The following FABP3 variants were observed in gnomAD, a reference collection of about 807,000 sequenced individuals.
FABP3 encodes the protein fatty acid binding protein 3, also known as fatty acid-binding protein, heart.
Under a neutral mutation model 13.4 loss-of-function variants are expected in FABP3, and 8 were observed. The ratio of observed to expected loss-of-function variants is 0.60; its 90% CI spans 0.35 to 1.07. FABP3 has a LOEUF of 1.07. Ranked by LOEUF, FABP3 falls within the 50% of genes least tolerant of loss-of-function variation. The probability of loss-of-function intolerance (pLI) is 0.02; values close to 1 mark genes in which losing one functional copy is unlikely to be tolerated. For synonymous variants in FABP3, 64 were observed against 60.0 expected (o/e 1.07, Z -0.31); for missense variants, 135 against 164.7 (o/e 0.82, Z 0.99).
intron 2 of FABP3, 51 bp downstream of exon 2, chr1:31,369,334 C>G: frequency 1.3e-6 from 2 of 1,588,380 alleles, no homozygotes; most frequent in Non-Finnish European, 1.7e-6. Flanking sequence ...AGCCTATTCT[C>G]TTTTAGAGTC....
intron 1 of FABP3, among the ~76,000 whole-genome samples, chr1:31,371,039 G>C (rs995724877): frequency 1.3e-5 from 2 of 152,188 alleles, no homozygotes; most frequent in South Asian, 4.1e-4. Context: ...TTTGAACCTC[G>C]GCTCCAAAAC....
chr1:31,368,311 C>T (rs2148494783), intron 2 of FABP3, among the ~76,000 whole-genome samples: 1 of 152,280 alleles, frequency 6.6e-6, no homozygotes. Context: ...CTTTTTTATC[C>T]TTACCTTACT....
At chr1:31,361,786 ATTAT>A (rs3049344), downstream of FABP3, among the ~76,000 whole-genome samples, 24,126 of 145,782 alleles carry the variant, frequency 0.17, 2,087 homozygotes, top group South Asian at 0.24. Flanking sequence ...AGAGGGGGAG[ATTAT>A]TTATTTATTT....
chr1:31,366,356 A>G (rs1229874022), intron 3 of FABP3, among the ~76,000 whole-genome samples: 1 of 152,048 alleles, frequency 6.6e-6, no homozygotes, highest in Non-Finnish European at 1.5e-5. Context: ...ACTAACTCCA[A>G]TCCTTCCCTA....
At chr1:31,371,537 T>C (rs181117561) in intron 1 of FABP3, among the ~76,000 whole-genome samples, 5 of 152,314 alleles carry the variant, frequency 3.3e-5, no homozygotes, top group Admixed American at 3.3e-4. Flanking sequence ...ACGATGAGAA[T>C]GCTGGCTGCC....
chr1:31,363,959 G>A (rs150721087), downstream of FABP3: 2,372 of 1,560,138 alleles, frequency 1.5e-3, 10 homozygotes, highest in Non-Finnish European at 1.0e-3. Flanking sequence ...CACTGCACCT[G>A]GCCAATTATG....
intron 3 of FABP3, 46 bp downstream of exon 3, chr1:31,367,347 A>G (rs530795506): frequency 6.9e-7 from 1 of 1,458,630 alleles, no homozygotes; most frequent in African/African-American, 1.4e-5. Context: ...CTGAAAGAGC[A>G]GTAGTAATAA....
chr1:31,372,204 C>G (rs1640220169), intron 1 of FABP3, among the ~76,000 whole-genome samples: 1 of 152,154 alleles, frequency 6.6e-6, no homozygotes. Context: ...CATCAGAAGT[C>G]CAATGGCTTT....
chr1:31,364,218 T>C (rs1478866026), downstream of FABP3: 4 of 1,597,100 alleles, frequency 2.5e-6, no homozygotes, highest in Admixed American at 1.8e-5. Flanking sequence ...TAGGGGGTGG[T>C]TGAGAGTAAG....
chr1:31,360,904 T>C (rs370989300), downstream of FABP3, among the ~76,000 whole-genome samples: 4 of 152,216 alleles, frequency 2.6e-5, no homozygotes, highest in African/African-American at 9.6e-5. Flanking sequence ...TGCAAAAAGC[T>C]TGATAAACTA....
At chr1:31,372,395 C>G (rs974044357) in intron 1 of FABP3, among the ~76,000 whole-genome samples, 5 of 152,156 alleles carry the variant, frequency 3.3e-5, no homozygotes, top group African/African-American at 1.2e-4. Context: ...CAAGAATTCT[C>G]TTCCCTAACC....
At chr1:31,372,820 A>G in intron 1 of FABP3, 122 bp downstream of exon 1, 4 of 950,424 alleles carry the variant, frequency 4.2e-6, no homozygotes, top group African/African-American at 1.6e-5. Context: ...CCAGGCTGCC[A>G]TCTCCGCGCT....
chr1:31,364,143 G>A, downstream of FABP3: 1 of 1,613,900 alleles, frequency 6.2e-7, no homozygotes, highest in South Asian at 1.1e-5. Context: ...CAGCAAGGCA[G>A]CAAAGAAGAA....
chr1:31,368,666 C>A (rs1003620975), intron 2 of FABP3, among the ~76,000 whole-genome samples: 5 of 152,190 alleles, frequency 3.3e-5, no homozygotes, highest in Admixed American at 1.3e-4. Context: ...TCTCTCGCTC[C>A]CATGCCTGGC....
chr1:31,362,320 G>A (rs566682871), downstream of FABP3, among the ~76,000 whole-genome samples: 55 of 152,308 alleles, frequency 3.6e-4, no homozygotes, highest in Non-Finnish European at 6.6e-4. Context: ...TAGCTCTGAG[G>A]CTGCTGGTTG....
At chr1:31,365,998 C>T in intron 3 of FABP3, 59 bp from the exon 4 acceptor site, 1 of 1,451,074 alleles carries the variant, frequency 6.9e-7, no homozygotes, top group Non-Finnish European at 9.6e-7. Context: ...TGCGAGCATT[C>T]TACCCTCCCT....
chr1:31,367,115 A>G (rs1378724921), intron 3 of FABP3, among the ~76,000 whole-genome samples: 1 of 152,200 alleles, frequency 6.6e-6, no homozygotes, highest in East Asian at 1.9e-4. Flanking sequence ...CAGCAGCCCT[A>G]CAAGGTTGGT....
At chr1:31,361,667 A>G (rs184917243), downstream of FABP3, among the ~76,000 whole-genome samples, 1 of 152,146 alleles carries the variant, frequency 6.6e-6, no homozygotes, top group East Asian at 2.0e-4. Flanking sequence ...CATATGATCT[A>G]CATGAAGATC....
chr1:31,367,559 C>T lies in FABP3; in HGVS notation c.247-65G>A, dbSNP rs1640136204. 8 of 1,369,954 alleles carry T rather than the reference C, an allele frequency of 5.8e-6. No individual in the cohort carries two copies. The Admixed American group carries it at 6.7e-5, about 11-fold the overall frequency. The allele number at this position is 1,369,954 out of a possible 1,614,324, so 84.9% of individuals were successfully genotyped here. A position where few individuals can be genotyped will look rare whatever the true frequency, so the allele number is the denominator to read the frequency against. ...CAGGAATTGAGGGGCAGGGTGGGGT[C>T]TGGACACTGGGCCACAGAGCACACA... On this transcript the variant is annotated intron_variant, in intron 2 of 3. Transcript: ENST00000373713.
Sources: allele counts gnomAD v4.1 joint callset (sites outside exome capture counted in the v4.1 genomes callset), GRCh38; gene constraint gnomAD v4.1.1; transcripts MANE v1.5; gene names NCBI Gene and HGNC (gene_info 2026-07-23, HGNC 2026-07-21).